Variants in THRB observed in about 807,000 individuals in gnomAD.
THRB encodes thyroid hormone receptor beta, also known as nuclear receptor subfamily 1 group A member 2.
Under a neutral mutation model 47.8 loss-of-function variants are expected in THRB, and 12 were observed. That is an observed-to-expected ratio of 0.25 (90% confidence interval 0.16 to 0.41). The LOEUF (loss-of-function observed/expected upper bound fraction) is 0.41. Ranked by LOEUF, THRB falls within the 10% of genes least tolerant of loss-of-function variation. THRB has a pLI of 1.00. For synonymous variants in THRB, 218 were observed against 212.2 expected (o/e 1.03, Z -0.24); for missense variants, 348 against 589.2 (o/e 0.59, Z 4.24).
intron 1 of THRB, chr3:24,348,614 C>G (rs2063172152): frequency 6.6e-6 from 1 of 152,148 alleles, no homozygotes; most frequent in Non-Finnish European, 1.5e-5. Context: ...CTTTCTAGGA[C>G]CTGCAAGCAT....
intron 3 of THRB, among the ~76,000 whole-genome samples, chr3:24,229,697 C>A (rs7652348): frequency 0.49 from 74,987 of 151,958 alleles, 18,925 homozygotes; most frequent in South Asian, 0.6. Flanking sequence ...AAGGGTGCAC[C>A]CAGGATGACA....
Position 24,406,246 on chromosome 3 carries a change from TAGAG to T in THRB, c.-260-68879_-260-68876del, listed in dbSNP as rs1323811488. ...TTCTTATTTCTCATTTTGAAATATATAGAGAATTTTATAATTAAGTGGATATTTA... is the reference window on the plus strand; with the variant it reads ...TTCTTATTTCTCATTTTGAAATATATAATTTTATAATTAAGTGGATATTTA... On this transcript the variant is annotated intron_variant, in intron 1 of 10. Coordinates refer to ENST00000646209, the MANE Select transcript of THRB (RefSeq NM_001354712.2). Among the ~76,000 whole-genome samples the T allele has an allele frequency of 3.3e-5, 5 of 151,730 alleles. No homozygotes were observed. The South Asian group carries it at 1.0e-3, about 31-fold the overall frequency.
chr3:24,345,681 CCAGGGAATTGG>C (rs1256789156), intron 1 of THRB, among the ~76,000 whole-genome samples: 1 of 151,782 alleles, frequency 6.6e-6, no homozygotes, highest in Non-Finnish European at 1.5e-5. Flanking sequence ...TTATGCTGGC[CCAGGGAATTGG>C]CAGATATTGG....
rs746323691 is a variant in THRB at position 24,481,229 on chromosome 3, G to GTTTTTTT, written c.-261+13416_-261+13422dup. Among the ~76,000 whole-genome samples, 22 of 55,370 alleles carry GTTTTTTT rather than the reference G, an allele frequency of 4.0e-4. 2 individuals are homozygous for GTTTTTTT. The highest frequency in any genetic ancestry group is 9.2e-4 in the African/African-American group (12 of 13,076). 36.3% of individuals were successfully genotyped at this position (55,370 alleles called of 152,430 possible). A position where few individuals can be genotyped will look rare whatever the true frequency, so the allele number is the denominator to read the frequency against. ...TATATGTGTGGATGCGTTTCTTTCTGTTTTTTTTTTTTTTTTTTTTTTTTT... is the reference window on the plus strand; with the variant it reads ...TATATGTGTGGATGCGTTTCTTTCTGTTTTTTTTTTTTTTTTTTTTTTTTTTTTTTTT... On this transcript the variant is annotated intron_variant, in intron 1 of 10. Transcript: ENST00000646209.
intron 4 of THRB, among the ~76,000 whole-genome samples, chr3:24,226,044 T>C (rs1341196006): frequency 6.6e-6 from 1 of 152,302 alleles, no homozygotes; most frequent in East Asian, 1.9e-4. Context: ...TTAATAAGCA[T>C]TGCGGTTGAA....
intron 5 of THRB, among the ~76,000 whole-genome samples, chr3:24,152,816 G>A (rs942246218): frequency 5.9e-5 from 9 of 152,018 alleles, no homozygotes; most frequent in East Asian, 3.9e-4. Context: ...CAAATAATTA[G>A]CCGGGCATGG....
chr3:24,188,967 A>G (rs1266047927), intron 5 of THRB, among the ~76,000 whole-genome samples: 1 of 149,998 alleles, frequency 6.7e-6, no homozygotes, highest in East Asian at 2.0e-4. Context: ...TCAGAACACT[A>G]TTTCACTATT....
chr3:24,269,442 C>CACACATATACA (rs58200122), intron 3 of THRB, among the ~76,000 whole-genome samples: 1 of 141,042 alleles, frequency 7.1e-6, no homozygotes, highest in African/African-American at 2.7e-5. Context: ...CACACACACA[C>CACACATATACA]TTAAGTTATC....
rs115301038 is a variant in THRB at position 24,163,351 on chromosome 3, T to C, written c.284-10861A>G. ...TATGCATACAATGTGTCTTTTCCTT[T>C]AGTTCATGCATCAAATTAATTAATA... On this transcript the variant is annotated intron_variant, in intron 5 of 10. Coordinates refer to ENST00000646209, the MANE Select transcript of THRB (RefSeq NM_001354712.2). Among the ~76,000 whole-genome samples the C allele has an allele frequency of 6.0e-3, 913 of 152,308 alleles. 6 individuals are homozygous for C. Among genetic ancestry groups the C allele is most frequent in the African/African-American group, 0.021 (854 of 41,572 alleles).
At chr3:24,391,320 C>T (rs2066553318) in intron 1 of THRB, among the ~76,000 whole-genome samples, 1 of 152,130 alleles carries the variant, frequency 6.6e-6, no homozygotes, top group South Asian at 2.1e-4. Flanking sequence ...TCTCTTTCTC[C>T]TTAGAGTCAC....
chr3:24,164,531 A>G (rs1401367619), intron 5 of THRB, among the ~76,000 whole-genome samples: 1 of 152,222 alleles, frequency 6.6e-6, no homozygotes. Context: ...AGATCCTAGC[A>G]AATCAACATT....
intron 1 of THRB, among the ~76,000 whole-genome samples, chr3:24,384,169 C>T (rs575523011): frequency 6.6e-6 from 1 of 152,068 alleles, no homozygotes; most frequent in Non-Finnish European, 1.5e-5. Flanking sequence ...AAATGGGCCT[C>T]AGACTTCTAA....
At chr3:24,291,239 T>G (rs1272264010) in intron 3 of THRB, among the ~76,000 whole-genome samples, 1 of 152,224 alleles carries the variant, frequency 6.6e-6, no homozygotes, top group East Asian at 1.9e-4. Flanking sequence ...GTTTAAAGAC[T>G]TTAGAAGAAA....
chr3:24,302,619 T>C (rs557237363), intron 2 of THRB, among the ~76,000 whole-genome samples: 30 of 152,334 alleles, frequency 2.0e-4, no homozygotes, highest in South Asian at 2.1e-4. Flanking sequence ...TGCCAACTTA[T>C]TGTAAGTGAA....
chr3:24,307,232 C>T (rs975405823), intron 2 of THRB, among the ~76,000 whole-genome samples: 8 of 151,704 alleles, frequency 5.3e-5, no homozygotes, highest in East Asian at 3.9e-4. Flanking sequence ...AGAGAAATAA[C>T]ATGGTAAAGT....
chr3:24,414,910 A>C (rs2068619296), intron 1 of THRB, among the ~76,000 whole-genome samples: 1 of 151,872 alleles, frequency 6.6e-6, no homozygotes, highest in African/African-American at 2.4e-5. Context: ...GCTGAAACTC[A>C]TCTCTAAAAG....
chr3:24,425,009 C>T (rs1232024866), intron 1 of THRB, among the ~76,000 whole-genome samples: 1 of 151,676 alleles, frequency 6.6e-6, no homozygotes, highest in Non-Finnish European at 1.5e-5. Flanking sequence ...GACTTATATT[C>T]CATTATATAA....
intron 3 of THRB, among the ~76,000 whole-genome samples, chr3:24,251,242 A>G (rs145156533): frequency 2.4e-4 from 37 of 152,260 alleles, no homozygotes; most frequent in Admixed American, 1.2e-3. Flanking sequence ...TCATAGTTTT[A>G]TACATTTTTA....
chr3:24,359,670 T>C (rs547447270), intron 1 of THRB, among the ~76,000 whole-genome samples: 117 of 152,312 alleles, frequency 7.7e-4, no homozygotes, highest in African/African-American at 2.8e-3. Flanking sequence ...CTCACTTCTG[T>C]CACTGGAAAC....
Sources: gnomAD v4.1 joint callset for allele counts (sites outside exome capture counted in the v4.1 genomes callset) on GRCh38, gnomAD v4.1.1 for gene constraint, MANE v1.5 for transcripts, NCBI Gene and HGNC (gene_info 2026-07-23, HGNC 2026-07-21) for gene names.